MTSS2: variants seen among roughly 807,000 people sequenced by gnomAD.
MTSS2 encodes the protein protein MTSS 2.
In MTSS2, 27 loss-of-function variants were observed where a neutral mutation model predicts 67.1. That is an observed-to-expected ratio of 0.40 (90% CI 0.30 to 0.55). MTSS2 has a LOEUF of 0.55. Among genes scored for constraint, MTSS2 ranks in the 20% least tolerant of loss-of-function variants. MTSS2 has a pLI of 0.43. For synonymous variants in MTSS2, 624 were observed against 468.6 expected (o/e 1.33, Z -4.28); for missense variants, 1,171 against 1,067.8 (o/e 1.10, Z -1.35).
In MTSS2 at chr16:70,661,529, A is replaced by G. The variant is rs1166907148; in HGVS notation, c.*2148T>C. 5.8e-6 allele frequency: 2 copies of G among 346,132 alleles called. No individual in the cohort carries two copies. The highest frequency in any genetic ancestry group is 4.0e-5 in the Admixed American group (1 of 25,140). The allele number at this position is 346,132 out of a possible 1,614,324, so 21.4% of individuals were successfully genotyped here. On this transcript the variant is annotated 3_prime_UTR_variant, in exon 15 of 15. Coordinates refer to ENST00000338779, the MANE Select transcript of MTSS2 (RefSeq NM_138383.3). ...AGAATATTTCTCCGTACAAAATGAG[A>G]AATTAAACGAACGTAAAGTCCCCCA...
intron 7 of MTSS2, 27 bp from the exon 8 acceptor site, chr16:70,678,436 G>T: frequency 6.3e-7 from 1 of 1,590,742 alleles, no homozygotes; most frequent in Non-Finnish European, 8.6e-7. Flanking sequence ...GAGAGGCCTT[G>T]CTGGGGATGC....
intron 1 of MTSS2, among the ~76,000 whole-genome samples, chr16:70,682,649 G>A (rs747488482): frequency 3.7e-5 from 5 of 136,970 alleles, no homozygotes; most frequent in Admixed American, 1.5e-4. Flanking sequence ...ACCTGGACCC[G>A]CCCCCCTCCC....
intron 10 of MTSS2, 83 bp downstream of exon 10, chr16:70,676,798 T>C: frequency 2.4e-6 from 3 of 1,231,954 alleles, no homozygotes; most frequent in Admixed American, 3.9e-5. Context: ...TGAAGCAATT[T>C]CTGATGCAAT....
chr16:70,681,176 G>A (rs1283981469), intron 1 of MTSS2, 151 bp from the exon 2 acceptor site: 2 of 701,842 alleles, frequency 2.8e-6, no homozygotes, highest in Non-Finnish European at 4.7e-6. Context: ...GGGTCCTCTC[G>A]GAGGGCAGAG....
chr16:70,661,548 T>C lies in MTSS2; in HGVS notation c.*2129A>G, dbSNP rs144441426. 2.9e-5 allele frequency: 10 copies of C among 348,690 alleles called. No individual in the cohort carries two copies. Among genetic ancestry groups the C allele is most frequent in the African/African-American group, 2.2e-4 (10 of 46,342 alleles). 21.6% of individuals were successfully genotyped at this position (348,690 alleles called of 1,614,324 possible). A position where few individuals can be genotyped will look rare whatever the true frequency, so the allele number is the denominator to read the frequency against. ...AATGAGAAATTAAACGAACGTAAAG[T>C]CCCCCAAACCAAAGTTTGTGATGTG... On this transcript the variant is annotated 3_prime_UTR_variant, in exon 15 of 15. Transcript: ENST00000338779.
At position 70,674,299 on chromosome 16, in the gene MTSS2, C is replaced by T. The variant is rs1410634723; in HGVS notation, c.1053+7G>A. The T allele has an allele frequency of 2.5e-6, 4 of 1,612,066 alleles. No homozygotes were observed. Among genetic ancestry groups the T allele is most frequent in the African/African-American group, 1.3e-5 (1 of 75,042 alleles). ...CACCCTGACTGATCCTCCTAACGCC[C>T]CCTCACCTGGCTGGTGATGTCTGAA... On this transcript the variant is annotated splice_region_variant and intron_variant, in intron 11 of 14. Coordinates refer to ENST00000338779, the MANE Select transcript of MTSS2 (RefSeq NM_138383.3).
In MTSS2 at chr16:70,679,960, C is replaced by T; in HGVS notation, c.290+11G>A. On this transcript the variant is annotated intron_variant, in intron 4 of 14. Coordinates refer to ENST00000338779, the MANE Select transcript of MTSS2 (RefSeq NM_138383.3). ...CCCCCGCCCCCCTGCCCGCCCGCAG[C>T]GCCCACTCACTTGGTGAACTGCCGC... 6.7e-7 allele frequency: 1 copy of T among 1,483,178 alleles called. No individual in the cohort carries two copies. The highest frequency in any genetic ancestry group is 1.3e-5 in the South Asian group (1 of 77,420). 91.9% of individuals were successfully genotyped at this position (1,483,178 alleles called of 1,614,324 possible). A position where few individuals can be genotyped will look rare whatever the true frequency, so the allele number is the denominator to read the frequency against.
rs927765833 is a variant in MTSS2 at position 70,663,593 on chromosome 16, G to C, written c.*84C>G. On this transcript the variant is annotated 3_prime_UTR_variant, in exon 15 of 15. Transcript: ENST00000338779. ...CCTGGCTCTGTCCTCTCTCCTGGCTGGGCCTTTGCTCTGAGTGCCTGCGGC... is the reference window on the plus strand; with the variant it reads ...CCTGGCTCTGTCCTCTCTCCTGGCTCGGCCTTTGCTCTGAGTGCCTGCGGC... 6.9e-7 allele frequency: 1 copy of C among 1,456,824 alleles called. No individual in the cohort carries two copies. Among genetic ancestry groups the C allele is most frequent in the Admixed American group, 2.7e-5 (1 of 36,956 alleles). 90.2% of individuals were successfully genotyped at this position (1,456,824 alleles called of 1,614,324 possible).
intron 4 of MTSS2, 38 bp from the exon 5 acceptor site, chr16:70,679,915 C>A (rs1567504999): frequency 1.3e-5 from 20 of 1,544,492 alleles, no homozygotes; most frequent in Non-Finnish European, 1.7e-5. Context: ...CAGGGCCGGG[C>A]TCCCCCGCGA....
Position 70,664,948 on chromosome 16 carries a change from C to A in MTSS2, c.1277G>T (p.Arg426Leu). 1.3e-6 allele frequency: 2 copies of A among 1,561,346 alleles called. No individual in the cohort carries two copies. Among genetic ancestry groups the A allele is most frequent in the Non-Finnish European group, 1.7e-6 (2 of 1,160,798 alleles). ...GGCTGCGATGGTGGCAGGGGACATC[C>A]GGGGTCGCGGTGCCTCTTCCCCGCT... Reference protein sequence around the residue: ...GPSGEEAPRPRMSPATIAAKH... With the variant: ...GPSGEEAPRPLMSPATIAAKH... Residue 426 changes from arginine (R) to leucine (L), a missense_variant, in exon 13 of 15, where the codon CGG (arginine) becomes CTG (leucine). Around this residue, in one of 2 missense-constraint regions of MTSS2, gnomAD observed 924 missense variants for 756.0 expected, o/e 1.22. Coordinates refer to ENST00000338779, the MANE Select transcript of MTSS2 (RefSeq NM_138383.3).
chr16:70,676,870 C>A lies in MTSS2; in HGVS notation c.830+11G>T, dbSNP rs1003689538. ...GCCCCCCACACCCCTGGGAACCCCA[C>A]CCCCACTGACCTGCACATGCTGGAC... On this transcript the variant is annotated intron_variant, in intron 10 of 14. Transcript: ENST00000338779. 1 of 1,611,346 alleles carries A rather than the reference C, an allele frequency of 6.2e-7. No homozygotes were observed. The highest frequency in any genetic ancestry group is 1.7e-5 in the Admixed American group (1 of 59,998).
chr16:70,674,562 G>A (rs1015022746), intron 10 of MTSS2, 34 bp from the exon 11 acceptor site: 2 of 1,582,950 alleles, frequency 1.3e-6, no homozygotes, highest in Non-Finnish European at 1.7e-6. Flanking sequence ...ACAGCAGCCA[G>A]ACAGGGAGAC....
intron 11 of MTSS2, among the ~76,000 whole-genome samples, chr16:70,667,807 A>C (rs374327100): frequency 6.6e-6 from 1 of 152,052 alleles, no homozygotes; most frequent in East Asian, 1.9e-4. Flanking sequence ...CAGGAGGCTG[A>C]GGTTGCAATG....
At position 70,664,169 on chromosome 16, in the gene MTSS2, G is replaced by T. The variant is rs770605323; in HGVS notation, c.1752C>A (p.Ile584=). 6.2e-7 allele frequency: 1 copy of T among 1,605,790 alleles called. No individual in the cohort carries two copies. Among genetic ancestry groups the T allele is most frequent in the South Asian group, 1.1e-5 (1 of 90,972 alleles). Residue 584 remains isoleucine, a synonymous_variant, in exon 15 of 15, where the codon ATC becomes ATA. Coordinates refer to ENST00000338779, the MANE Select transcript of MTSS2 (RefSeq NM_138383.3). ...VRRALSSAGP[I]PIRPPIVPVK... ...CAGGGACGATGGGCGGCCGGATGGG[G>T]ATGGGGCCAGCGCTGGACAGGGCGC...
intron 10 of MTSS2, 145 bp downstream of exon 10, chr16:70,676,736 T>A: frequency 1.5e-6 from 1 of 678,510 alleles, no homozygotes; most frequent in East Asian, 2.7e-5. Flanking sequence ...ACATTTTCCC[T>A]CTACATATGC....
intron 11 of MTSS2, among the ~76,000 whole-genome samples, chr16:70,667,792 G>T (rs1204743249): frequency 2.6e-5 from 4 of 152,080 alleles, no homozygotes; most frequent in East Asian, 3.9e-4. Flanking sequence ...AGAATAGCTT[G>T]AACCCAGGAG....
intron 1 of MTSS2, 39 bp downstream of exon 1, chr16:70,685,684 C>A: frequency 8.1e-7 from 1 of 1,233,832 alleles, no homozygotes; most frequent in Non-Finnish European, 1.0e-6. Context: ...GGGTCCCGCA[C>A]CCGTCGCCGC....
At position 70,663,436 on chromosome 16, in the gene MTSS2, A is replaced by G. The variant is rs1437284140; in HGVS notation, c.*241T>C. On this transcript the variant is annotated 3_prime_UTR_variant, in exon 15 of 15. Coordinates refer to ENST00000338779, the MANE Select transcript of MTSS2 (RefSeq NM_138383.3). ...AGAGGAGGAAGAGGAGGGACCGAAG[A>G]GCATAAAACAGACCCCGAACCAGGC... is the stretch of plus-strand genomic sequence containing the variant. 4.9e-6 allele frequency: 3 copies of G among 617,786 alleles called. No homozygotes were observed. The African/African-American group carries it at 5.8e-5, about 12-fold the overall frequency. The allele number at this position is 617,786 out of a possible 1,614,324, so 38.3% of individuals were successfully genotyped here.
chr16:70,685,705 C>A lies in MTSS2; in HGVS notation c.69+18G>T. 1 of 1,311,452 alleles carries A rather than the reference C, an allele frequency of 7.6e-7. No individual in the cohort carries two copies. The highest frequency in any genetic ancestry group is 1.7e-5 in the South Asian group (1 of 60,444). The allele number at this position is 1,311,452 out of a possible 1,614,324, so 81.2% of individuals were successfully genotyped here. A position where few individuals can be genotyped will look rare whatever the true frequency, so the allele number is the denominator to read the frequency against. Reference sequence around the variant, plus strand: ...CGCACCCGTCGCCGCGCGCCCGGCCCCGCCGCGCCCCGGTTACCTTCATGT... The same window carrying A: ...CGCACCCGTCGCCGCGCGCCCGGCCACGCCGCGCCCCGGTTACCTTCATGT... On this transcript the variant is annotated intron_variant, in intron 1 of 14. Transcript: ENST00000338779.
Sources: gnomAD v4.1 joint callset for allele counts (sites outside exome capture counted in the v4.1 genomes callset) on GRCh38, gnomAD v4.1.1 for gene constraint, gnomAD v4.1.1 regional missense constraint, MANE v1.5 for transcripts, NCBI Gene and HGNC (gene_info 2026-07-23, HGNC 2026-07-21) for gene names.